The following GRIK2 variants were observed in gnomAD, a reference collection of about 807,000 sequenced individuals.
GRIK2 encodes glutamate ionotropic receptor kainate type subunit 2.
GRIK2 carries 32 observed loss-of-function variants against 100.3 expected under a neutral mutation model. The ratio of observed to expected loss-of-function variants is 0.32; its 90% confidence interval spans 0.24 to 0.43. GRIK2 has a LOEUF of 0.43. Among genes scored for constraint, GRIK2 ranks in the 20% least tolerant of loss-of-function variants. The pLI is 1.00. For missense variants in GRIK2, 843 were observed against 1,114.9 expected, an observed-to-expected ratio of 0.76 and a Z score of 3.47; for synonymous variants, 417 against 389.4, an observed-to-expected ratio of 1.07 and a Z score of -0.83.
At chr6:102,052,357 A>G (rs1234088189) in intron 15 of GRIK2, among the ~76,000 whole-genome samples, 1 of 152,154 alleles carries the variant, frequency 6.6e-6, no homozygotes, top group East Asian at 1.9e-4. Context: ...TAAGCCCATT[A>G]ACTTTGTACA....
chr6:101,486,289 C>T (rs572426027), intron 2 of GRIK2, among the ~76,000 whole-genome samples: 1 of 150,028 alleles, frequency 6.7e-6, no homozygotes, highest in African/African-American at 2.5e-5. Flanking sequence ...TCAGTAGTAA[C>T]CGAGCATTTG....
chr6:101,661,751 C>T (rs1269819403), intron 4 of GRIK2, among the ~76,000 whole-genome samples: 2 of 152,088 alleles, frequency 1.3e-5, no homozygotes, highest in Non-Finnish European at 1.5e-5. Context: ...CCTTGCACTT[C>T]CCGTGTGAGG....
chr6:101,966,784 C>T (rs1792702877), intron 14 of GRIK2, among the ~76,000 whole-genome samples: 1 of 152,068 alleles, frequency 6.6e-6, no homozygotes, highest in Non-Finnish European at 1.5e-5. Flanking sequence ...AAAATATTAA[C>T]AATTTAATGG....
At chr6:102,054,299 A>G (rs1771356190) in intron 15 of GRIK2, among the ~76,000 whole-genome samples, 1 of 152,206 alleles carries the variant, frequency 6.6e-6, no homozygotes, top group African/African-American at 2.4e-5. Flanking sequence ...ATTTAAATCA[A>G]AACAAAATTA....
intron 4 of GRIK2, among the ~76,000 whole-genome samples, chr6:101,645,526 G>C (rs886298742): frequency 6.6e-6 from 1 of 151,900 alleles, no homozygotes; most frequent in East Asian, 1.9e-4. Context: ...TCTTTCTAAA[G>C]GTTTGCTTAT....
intron 2 of GRIK2, among the ~76,000 whole-genome samples, chr6:101,595,314 G>A (rs540083822): frequency 1.3e-5 from 2 of 151,690 alleles, no homozygotes; most frequent in South Asian, 2.1e-4. Flanking sequence ...CAGACTTTCA[G>A]TATTTGGGGG....
chr6:101,642,336 C>A (rs912820188), intron 4 of GRIK2, among the ~76,000 whole-genome samples: 1 of 151,742 alleles, frequency 6.6e-6, no homozygotes, highest in Non-Finnish European at 1.5e-5. Context: ...TGCAACCAAT[C>A]TCCAGAACTT....
intron 2 of GRIK2, among the ~76,000 whole-genome samples, chr6:101,575,296 C>A (rs1777741675): frequency 6.6e-6 from 1 of 151,726 alleles, no homozygotes; most frequent in Admixed American, 6.6e-5. Flanking sequence ...AAATAAATTA[C>A]AAATGTAATA....
At chr6:101,536,242 C>T (rs930636441) in intron 2 of GRIK2, among the ~76,000 whole-genome samples, 4 of 151,622 alleles carry the variant, frequency 2.6e-5, no homozygotes, top group Non-Finnish European at 3.0e-5. Flanking sequence ...TCATGTTGTA[C>T]GTCAGAGATG....
intron 4 of GRIK2, among the ~76,000 whole-genome samples, chr6:101,667,403 G>T (rs1770109345): frequency 6.6e-6 from 1 of 152,188 alleles, no homozygotes; most frequent in Admixed American, 6.6e-5. Context: ...AGCAAAGGAA[G>T]TATGTATGTG....
chr6:101,943,090 T>C (rs1046651622), intron 14 of GRIK2, among the ~76,000 whole-genome samples: 1 of 152,198 alleles, frequency 6.6e-6, no homozygotes. Context: ...CATGGCACCC[T>C]GAGTAGCAGC....
At chr6:101,766,269 T>C (rs1437837194) in intron 7 of GRIK2, among the ~76,000 whole-genome samples, 1 of 152,020 alleles carries the variant, frequency 6.6e-6, no homozygotes, top group Non-Finnish European at 1.5e-5. Flanking sequence ...AATTGTAATA[T>C]TTACTAGAAT....
intron 15 of GRIK2, among the ~76,000 whole-genome samples, chr6:102,053,119 T>C (rs62423101): frequency 1.5e-4 from 18 of 123,002 alleles, no homozygotes; most frequent in Non-Finnish European, 3.1e-4. Flanking sequence ...CACACATACA[T>C]ACACACACAA....
At chr6:101,572,069 G>A (rs1051000855) in intron 2 of GRIK2, among the ~76,000 whole-genome samples, 11 of 151,922 alleles carry the variant, frequency 7.2e-5, no homozygotes, top group Non-Finnish European at 5.9e-5. Flanking sequence ...CAACACTGTT[G>A]ATCTTGATTA....
intron 14 of GRIK2, among the ~76,000 whole-genome samples, chr6:101,938,853 A>G (rs1741105095): frequency 6.6e-6 from 1 of 152,032 alleles, no homozygotes; most frequent in Admixed American, 6.6e-5. Flanking sequence ...GGTTGGCGAT[A>G]AAATGTACTT....
intron 7 of GRIK2, among the ~76,000 whole-genome samples, chr6:101,771,868 A>T (rs1016192510): frequency 6.6e-6 from 1 of 151,816 alleles, no homozygotes; most frequent in East Asian, 1.9e-4. Flanking sequence ...TGAACTCATC[A>T]TTTTTTATGG....
At chr6:102,030,260 A>G (rs886553218) in intron 14 of GRIK2, among the ~76,000 whole-genome samples, 2 of 151,196 alleles carry the variant, frequency 1.3e-5, no homozygotes, top group African/African-American at 4.8e-5. Flanking sequence ...TTTTTCTGAC[A>G]TTTTAAACCT....
intron 14 of GRIK2, among the ~76,000 whole-genome samples, chr6:102,007,162 C>G (rs965622132): frequency 2.6e-5 from 4 of 152,008 alleles, no homozygotes; most frequent in Admixed American, 2.6e-4. Flanking sequence ...AAAGATAACT[C>G]TACATGAAGT....
intron 4 of GRIK2, among the ~76,000 whole-genome samples, chr6:101,672,540 C>A (rs1562299737): frequency 6.6e-6 from 1 of 151,994 alleles, no homozygotes; most frequent in Non-Finnish European, 1.5e-5. Flanking sequence ...CTACTATCTT[C>A]TAACGATTTG....
Sources: allele counts gnomAD v4.1 joint callset (sites outside exome capture counted in the v4.1 genomes callset), GRCh38; gene constraint gnomAD v4.1.1; transcripts MANE v1.5; gene names NCBI Gene and HGNC (gene_info 2026-07-23, HGNC 2026-07-21).